Variants in PLEKHA7 observed in about 807,000 individuals in gnomAD.
The protein encoded by PLEKHA7 is pleckstrin homology domain-containing family A member 7.
In PLEKHA7, 104 loss-of-function variants were observed where a neutral mutation model predicts 170.0. That is an observed-to-expected ratio of 0.61 (90% CI 0.52 to 0.72). The LOEUF is 0.72. Ranked by LOEUF, PLEKHA7 falls within the 30% of genes least tolerant of loss-of-function variation. The pLI, the probability that PLEKHA7 is intolerant of heterozygous loss-of-function variation, is 0.00. For missense variants in PLEKHA7, 1,615 were observed against 1,671.7 expected, an observed-to-expected ratio of 0.97 and a Z score of 0.59; for synonymous variants, 648 against 660.8, an observed-to-expected ratio of 0.98 and a Z score of 0.30.
chr11:16,948,714 A>T (rs1861216027), intron 3 of PLEKHA7, among the ~76,000 whole-genome samples: 1 of 152,182 alleles, frequency 6.6e-6, no homozygotes, highest in African/African-American at 2.4e-5. Flanking sequence ...CAGGAGCTGG[A>T]GAAGATGAAA....
At chr11:16,962,411 C>T (rs1862118624) in intron 3 of PLEKHA7, among the ~76,000 whole-genome samples, 1 of 152,196 alleles carries the variant, frequency 6.6e-6, no homozygotes, top group East Asian at 1.9e-4. Context: ...ACTCACGACC[C>T]AAAACCACCT....
At chr11:16,975,773 G>T (rs1469500865) in intron 3 of PLEKHA7, among the ~76,000 whole-genome samples, 3 of 152,122 alleles carry the variant, frequency 2.0e-5, no homozygotes, top group Non-Finnish European at 4.4e-5. Context: ...TTATTTTCTT[G>T]TTGCTTGTCT....
intron 13 of PLEKHA7, 76 bp from the exon 14 acceptor site, chr11:16,803,371 T>C: frequency 5.5e-6 from 8 of 1,461,172 alleles, no homozygotes; most frequent in Non-Finnish European, 7.7e-6. Context: ...ATTCATCCTA[T>C]AATGGATGGT....
intron 3 of PLEKHA7, among the ~76,000 whole-genome samples, chr11:16,990,241 T>C (rs1863951122): frequency 7.8e-6 from 1 of 127,880 alleles, no homozygotes; most frequent in Non-Finnish European, 1.6e-5. Flanking sequence ...GCCACTGCAT[T>C]CCAGCCTGGG....
intron 3 of PLEKHA7, among the ~76,000 whole-genome samples, chr11:16,907,256 T>G (rs1460038657): frequency 1.6e-4 from 19 of 119,686 alleles, no homozygotes; most frequent in South Asian, 2.9e-4. Context: ...CCGGGAAGGA[T>G]GTGGGGGGGT....
chr11:16,800,862 G>A (rs1396533770), intron 17 of PLEKHA7, 112 bp downstream of exon 17: 15 of 875,912 alleles, frequency 1.7e-5, no homozygotes, highest in East Asian at 2.4e-5. Context: ...GGCTGAGGGG[G>A]AGAAGGACTC....
Position 16,786,268 on chromosome 11 carries a change from G to C in PLEKHA7, c.3477C>G (p.Asp1159Glu), listed in dbSNP as rs1293125758. 6.5e-7 allele frequency: 1 copy of C among 1,536,126 alleles called. No individual in the cohort carries two copies. The highest frequency in any genetic ancestry group is 2.4e-5 in the East Asian group (1 of 40,912). Residue 1159 changes from aspartate to glutamate, a missense_variant, in exon 24 of 27, where the codon GAC becomes GAG. By Grantham distance (45) the Asp-to-Glu change is conservative (BLOSUM62 2). Coordinates refer to ENST00000531066, the MANE Select transcript of PLEKHA7 (RefSeq NM_001329630.2). ...CCAAGTCATAGTCTTGAGGCTCCAGGTCCAACTCAGTGACAGGCATGGCCT... is the reference window on the plus strand; with the variant it reads ...CCAAGTCATAGTCTTGAGGCTCCAGCTCCAACTCAGTGACAGGCATGGCCT... The part of the protein sequence containing the change: ...KVQAMPVTEL[D>E]LEPQDYDLDI...
chr11:16,838,276 G>GCTC (rs1851675078), intron 9 of PLEKHA7, among the ~76,000 whole-genome samples: 1 of 152,154 alleles, frequency 6.6e-6, no homozygotes, highest in African/African-American at 2.4e-5. Context: ...GGGAGGCTGA[G>GCTC]CTAGGAGGAT....
chr11:16,942,872 C>T (rs940817545), intron 3 of PLEKHA7, among the ~76,000 whole-genome samples: 1 of 152,228 alleles, frequency 6.6e-6, no homozygotes, highest in Non-Finnish European at 1.5e-5. Context: ...AGTAGATAAA[C>T]TGCTGAATGC....
intron 24 of PLEKHA7, among the ~76,000 whole-genome samples, chr11:16,784,412 G>A (rs1212958739): frequency 6.6e-6 from 1 of 152,156 alleles, no homozygotes; most frequent in Non-Finnish European, 1.5e-5. Context: ...ATGGATAAAT[G>A]GATGATTGAC....
chr11:16,941,798 C>T (rs1474059568), intron 3 of PLEKHA7, among the ~76,000 whole-genome samples: 1 of 152,174 alleles, frequency 6.6e-6, no homozygotes, highest in African/African-American at 2.4e-5. Context: ...AAAAAACAGA[C>T]TACTATGTCA....
chr11:16,841,580 G>A lies in PLEKHA7; in HGVS notation c.839C>T (p.Ala280Val). The change falls in exon 9 of 27, where the codon GCT (alanine) becomes GTT (valine). Residue 280 changes from alanine to valine, a missense_variant. By Grantham distance (64) the Ala-to-Val change is moderately conservative. Transcript: ENST00000531066. The stretch of plus-strand genomic sequence containing the variant: ...TGACGATCGAGACAGCACCTGTGCA[G>A]CCTGGTTCATGGCCCTGACCCAAGC... ...MNAWVRAMNQ[A>V]AQVLSRSSLK... 1 of 1,613,940 alleles carries A rather than the reference G, an allele frequency of 6.2e-7. No individual in the cohort carries two copies. Among genetic ancestry groups the A allele is most frequent in the East Asian group, 2.2e-5 (1 of 44,874 alleles).
At chr11:16,810,396 G>A (rs1016704800) in intron 13 of PLEKHA7, among the ~76,000 whole-genome samples, 3 of 152,152 alleles carry the variant, frequency 2.0e-5, no homozygotes, top group Non-Finnish European at 2.9e-5. Context: ...GAGGGAAGCC[G>A]GGGGGTGCCA....
Position 16,817,207 on chromosome 11 carries a change from G to T in PLEKHA7, c.1459C>A (p.Pro487Thr). 6.2e-7 allele frequency: 1 copy of T among 1,614,126 alleles called. No homozygotes were observed. The highest frequency in any genetic ancestry group is 8.5e-7 in the Non-Finnish European group (1 of 1,180,006). The change falls in exon 11 of 27, where the codon CCT becomes ACT. Residue 487 changes from proline (P) to threonine (T), a missense_variant. By Grantham distance (38) the Pro-to-Thr change is conservative. Coordinates refer to ENST00000531066, the MANE Select transcript of PLEKHA7 (RefSeq NM_001329630.2). This position sits in a 1 kb window ranked among gnomAD's most constrained non-coding sequence, Gnocchi z 4.4. ...TRHPSGGSSP[P>T]PRNLPSDYKY... ...TAGTCACTTGGCAGGTTTCGGGGAG[G>T]TGGCGAGGAGCCCCCCGAGGGGTGT...
chr11:16,865,320 G>T (rs2135578871), intron 4 of PLEKHA7, among the ~76,000 whole-genome samples: 1 of 152,292 alleles, frequency 6.6e-6, no homozygotes, highest in East Asian at 1.9e-4. Flanking sequence ...TACTGGCTTG[G>T]GAAGTGTCCC....
intron 3 of PLEKHA7, among the ~76,000 whole-genome samples, chr11:16,872,585 T>C (rs955103487): frequency 2.0e-5 from 3 of 151,930 alleles, no homozygotes; most frequent in African/African-American, 7.3e-5. Flanking sequence ...AGTGGGGTGA[T>C]CATGGCTTGC....
In PLEKHA7 at chr11:16,970,659, T is replaced by G. The variant is rs117524380; in HGVS notation, c.221+43330A>C. 6.7e-3 allele frequency among the ~76,000 whole-genome samples: 1,006 copies of G among 151,264 alleles called. 5 individuals are homozygous for G. Among genetic ancestry groups the G allele is most frequent in the Middle Eastern group, 0.024 (7 of 294 alleles). On this transcript the variant is annotated intron_variant, in intron 3 of 26. Coordinates refer to ENST00000531066, the MANE Select transcript of PLEKHA7 (RefSeq NM_001329630.2). ...TCTAGCCTGGGCAACAAATCGAGAC[T>G]CCATCTCAAAAAAAAACAAAAACAA...
At position 16,782,631 on chromosome 11, in the gene PLEKHA7, G is replaced by A. The variant is rs183270123; in HGVS notation, c.3793+123C>T. 170 of 1,269,142 alleles carry A rather than the reference G, an allele frequency of 1.3e-4. 3 individuals are homozygous for A. The Middle Eastern group carries it at 1.3e-3, about 10-fold the overall frequency. The allele number at this position is 1,269,142 out of a possible 1,614,324, so 78.6% of individuals were successfully genotyped here. A position where few individuals can be genotyped will look rare whatever the true frequency, so the allele number is the denominator to read the frequency against. Reference sequence around the variant, plus strand: ...CGAGTGGTCAGGGGAACACACCACTGACCCTCAACTACCATCCTTGACACC... The same window carrying A: ...CGAGTGGTCAGGGGAACACACCACTAACCCTCAACTACCATCCTTGACACC... On this transcript the variant is annotated intron_variant, in intron 26 of 26. Transcript: ENST00000531066.
intron 3 of PLEKHA7, among the ~76,000 whole-genome samples, chr11:16,906,768 G>A (rs9660430): frequency 3.8e-4 from 52 of 137,902 alleles, no homozygotes; most frequent in Admixed American, 5.7e-4. Flanking sequence ...AGTGAGGAGC[G>A]TCTCTGCCTG....
Sources: allele counts gnomAD v4.1 joint callset (sites outside exome capture counted in the v4.1 genomes callset), GRCh38; gene constraint gnomAD v4.1.1; non-coding constraint Gnocchi (gnomAD v3.1); transcripts MANE v1.5; gene names NCBI Gene and HGNC (gene_info 2026-07-23, HGNC 2026-07-21).